The following BCL11B variants were observed in gnomAD, a reference collection of about 807,000 sequenced individuals.
BCL11B encodes the protein BCL11 transcription factor B.
BCL11B carries 8 observed loss-of-function variants against 49.9 expected under a neutral mutation model. That is an observed-to-expected ratio of 0.16 (90% confidence interval 0.09 to 0.29). The LOEUF is 0.29. BCL11B is among the 10% of genes least tolerant of loss of function. The pLI is 1.00. For missense variants in BCL11B, 1,006 were observed against 1,351.0 expected, an observed-to-expected ratio of 0.74 and a Z score of 4.00; for synonymous variants, 739 against 637.4, an observed-to-expected ratio of 1.16 and a Z score of -2.40.
In BCL11B at chr14:99,205,980, G is replaced by A. The variant is rs1254839194; in HGVS notation, c.640+25365C>T. Among the ~76,000 whole-genome samples the A allele has an allele frequency of 1.6e-4, 25 of 152,124 alleles. No individual in the cohort carries two copies. The highest frequency in any genetic ancestry group is 6.5e-5 in the Admixed American group (1 of 15,278). On this transcript the variant is annotated intron_variant, in intron 3 of 3. Coordinates refer to ENST00000357195, the MANE Select transcript of BCL11B (RefSeq NM_138576.4). The surrounding 1 kb of genome is among the most constrained non-coding windows in gnomAD (Gnocchi z 5.0). ...TGGGAAGGGAGCCTGAAGTACCCCC[G>A]ATACCCTCAACAGAGGACCGAGGCT...
chr14:99,250,033 C>CTTTTT (rs35826122), intron 2 of BCL11B, among the ~76,000 whole-genome samples: 2 of 106,260 alleles, frequency 1.9e-5, no homozygotes, highest in Non-Finnish European at 3.8e-5. Context: ...ACAGGAGAAT[C>CTTTTT]TTTTTTTTTT....
intron 1 of BCL11B, among the ~76,000 whole-genome samples, chr14:99,266,298 G>A (rs1889481316): frequency 1.3e-5 from 2 of 152,048 alleles, no homozygotes; most frequent in African/African-American, 2.4e-5. Flanking sequence ...AGCAACTCTC[G>A]ACTGTTCCCT....
intron 3 of BCL11B, among the ~76,000 whole-genome samples, chr14:99,230,311 T>G (rs1264064118): frequency 6.6e-6 from 1 of 152,098 alleles, no homozygotes; most frequent in Non-Finnish European, 1.5e-5. Flanking sequence ...CTTTCACAAT[T>G]CAAGTCGAGA....
In BCL11B at chr14:99,213,438, A is replaced by G. The variant is rs2693694; in HGVS notation, c.640+17907T>C. Among the ~76,000 whole-genome samples the G allele has an allele frequency of 0.3, 45,128 of 152,182 alleles. 6,978 individuals carry two copies. The highest frequency in any genetic ancestry group is 0.54 in the East Asian group (2,795 of 5,172). On this transcript the variant is annotated intron_variant, in intron 3 of 3. Coordinates refer to ENST00000357195, the MANE Select transcript of BCL11B (RefSeq NM_138576.4). This position sits in a 1 kb window ranked among gnomAD's most constrained non-coding sequence, Gnocchi z 5.1. ...TTTCCCCTCCAAAAATTCGAGGAAC[A>G]CCAAAATGACTCTCATCTGGACTGG...
intron 3 of BCL11B, among the ~76,000 whole-genome samples, chr14:99,201,418 A>G (rs918722809): frequency 6.6e-6 from 1 of 152,206 alleles, no homozygotes; most frequent in African/African-American, 2.4e-5. Flanking sequence ...TGTCATGATC[A>G]TCACCATCCC....
At chr14:99,179,959 C>A (rs113884085) in intron 3 of BCL11B, among the ~76,000 whole-genome samples, 1 of 152,186 alleles carries the variant, frequency 6.6e-6, no homozygotes, top group East Asian at 1.9e-4. Flanking sequence ...TTTGAAAACT[C>A]GCTAAATATT....
At chr14:99,243,630 A>G (rs185106218) in intron 2 of BCL11B, among the ~76,000 whole-genome samples, 6 of 152,210 alleles carry the variant, frequency 3.9e-5, no homozygotes, top group South Asian at 2.1e-4. Flanking sequence ...CCACATGCCA[A>G]CCTCTAGATT....
Position 99,175,310 on chromosome 14 carries a change from C to CCCT in BCL11B, c.1523_1525dup (p.Glu508dup). The CCCT allele has an allele frequency of 4.5e-6, 7 of 1,540,802 alleles. No individual in the cohort carries two copies. The highest frequency in any genetic ancestry group is 6.1e-6 in the Non-Finnish European group (7 of 1,148,482). On this transcript the variant is annotated inframe_insertion, in exon 4 of 4. Coordinates refer to ENST00000357195, the MANE Select transcript of BCL11B (RefSeq NM_138576.4). Reference sequence around the variant, plus strand: ...GAAGTCACCGTCGGCCGCCTTGAGGCCCTCGCCCGCCAGCTCGCTGGTGCC... The same window carrying CCCT: ...GAAGTCACCGTCGGCCGCCTTGAGGCCCTCCTCGCCCGCCAGCTCGCTGGTGCC...
intron 3 of BCL11B, among the ~76,000 whole-genome samples, chr14:99,197,611 A>G (rs1887214815): frequency 6.6e-6 from 1 of 152,078 alleles, no homozygotes; most frequent in African/African-American, 2.4e-5. Context: ...TTCGCCTCCT[A>G]TCTAATAAGG....
chr14:99,175,483 G>C lies in BCL11B; in HGVS notation c.1353C>G (p.Gly451=), dbSNP rs199584715. 1.2e-6 allele frequency: 2 copies of C among 1,611,152 alleles called. No homozygotes were observed. Among genetic ancestry groups the C allele is most frequent in the East Asian group, 2.2e-5 (1 of 44,596 alleles). The change falls in exon 4 of 4, where the codon GGC becomes GGG. Residue 451 remains glycine, a synonymous_variant. Transcript: ENST00000357195. ...ACAGCTGGCACTTGTAGGGCTTCTC[G>C]CCCGTGTGACTGCGCCGGTGCACGA... The part of the protein sequence containing the change: ...NLIVHRRSHT[G]EKPYKCQLCD...
At position 99,175,546 on chromosome 14, in the gene BCL11B, C is replaced by T; in HGVS notation, c.1290G>A (p.Glu430=). Residue 430 remains glutamate (E), a synonymous_variant, in exon 4 of 4, where the codon GAG becomes GAA. Coordinates refer to ENST00000357195, the MANE Select transcript of BCL11B (RefSeq NM_138576.4). ...GGAACTTGAAGGTCTTGCCGCAGAA[C>T]TCGCACGACTTGCTCTTGGCTGGCG... is the stretch of plus-strand genomic sequence containing the variant. ...PQPPAKSKSC[E]FCGKTFKFQS... is the part of the protein sequence containing the mutation. 3 of 1,602,338 alleles carry T rather than the reference C, an allele frequency of 1.9e-6. No homozygotes were observed. The highest frequency in any genetic ancestry group is 2.6e-6 in the Non-Finnish European group (3 of 1,173,584).
chr14:99,235,948 G>C (rs1888485548), intron 2 of BCL11B, among the ~76,000 whole-genome samples: 1 of 152,060 alleles, frequency 6.6e-6, no homozygotes, highest in African/African-American at 2.4e-5. Flanking sequence ...CAAAACGCCA[G>C]AGCCTGTAAT....
At chr14:99,243,952 A>AG (rs1888746403) in intron 2 of BCL11B, among the ~76,000 whole-genome samples, 1 of 139,456 alleles carries the variant, frequency 7.2e-6, no homozygotes, top group Non-Finnish European at 1.6e-5. Flanking sequence ...AAAAAAAAAA[A>AG]GCAAGGAAAG....
chr14:99,212,345 C>T (rs572933869), intron 3 of BCL11B, among the ~76,000 whole-genome samples: 1 of 152,278 alleles, frequency 6.6e-6, no homozygotes, highest in South Asian at 2.1e-4. Context: ...TGCAGCCTCC[C>T]CTGGGCCTGG....
chr14:99,228,599 A>C lies in BCL11B; in HGVS notation c.640+2746T>G, dbSNP rs1024645316. Among the ~76,000 whole-genome samples the C allele has an allele frequency of 2.6e-5, 4 of 152,190 alleles. No individual in the cohort carries two copies. Among genetic ancestry groups the C allele is most frequent in the Non-Finnish European group, 4.4e-5 (3 of 68,032 alleles). ...CGTCCCTCCCAGAGCACTGCAATCA[A>C]GCACTGGTTGCTCACAGGCTCTGAG... On this transcript the variant is annotated intron_variant, in intron 3 of 3. Coordinates refer to ENST00000357195, the MANE Select transcript of BCL11B (RefSeq NM_138576.4). The surrounding 1 kb of genome is among the most constrained non-coding windows in gnomAD (Gnocchi z 4.8).
At chr14:99,201,047 G>A (rs1887366522) in intron 3 of BCL11B, among the ~76,000 whole-genome samples, 1 of 152,206 alleles carries the variant, frequency 6.6e-6, no homozygotes, top group East Asian at 1.9e-4. Context: ...AGGTCGGACA[G>A]TGGACACACA....
intron 1 of BCL11B, among the ~76,000 whole-genome samples, chr14:99,270,077 G>A (rs1175952900): frequency 6.6e-6 from 1 of 151,768 alleles, no homozygotes; most frequent in Non-Finnish European, 1.5e-5. Flanking sequence ...ACCGTACCTG[G>A]CCCGCTCGCG....
chr14:99,175,610 A>AGCGGCG lies in BCL11B; in HGVS notation c.1220_1225dup (p.Pro407_Pro408dup), dbSNP rs1381804985. ...CGTGCCGCCAGGGGGCATGGGCGGC[A>AGCGGCG]GCGGCGGCGTGCTCAGGAACGGGGA... On this transcript the variant is annotated inframe_insertion, in exon 4 of 4. Coordinates refer to ENST00000357195, the MANE Select transcript of BCL11B (RefSeq NM_138576.4). 1.3e-6 allele frequency: 2 copies of AGCGGCG among 1,564,522 alleles called. No individual in the cohort carries two copies. Among genetic ancestry groups the AGCGGCG allele is most frequent in the Admixed American group, 1.8e-5 (1 of 54,688 alleles).
At chr14:99,259,703 C>T (rs1238452162) in intron 1 of BCL11B, among the ~76,000 whole-genome samples, 1 of 152,240 alleles carries the variant, frequency 6.6e-6, no homozygotes, top group Middle Eastern at 3.2e-3. Flanking sequence ...CCTCACAAAG[C>T]CGGTCCCAGA....
Sources: allele counts gnomAD v4.1 joint callset (sites outside exome capture counted in the v4.1 genomes callset), GRCh38; gene constraint gnomAD v4.1.1; non-coding constraint Gnocchi (gnomAD v3.1); transcripts MANE v1.5; gene names NCBI Gene and HGNC (gene_info 2026-07-23, HGNC 2026-07-21).